Variants in ZBTB16 observed in about 807,000 individuals in gnomAD.
ZBTB16 encodes the protein zinc finger and BTB domain-containing protein 16.
Under a neutral mutation model 56.8 loss-of-function variants are expected in ZBTB16, and 8 were observed. The ratio of observed to expected loss-of-function variants is 0.14; its 90% CI spans 0.08 to 0.25. The LOEUF (loss-of-function observed/expected upper bound fraction) is 0.25. Among genes scored for constraint, ZBTB16 ranks in the 10% least tolerant of loss-of-function variants. ZBTB16 has a pLI of 1.00. For synonymous variants in ZBTB16, 363 were observed against 368.5 expected (o/e 0.98, Z 0.17); for missense variants, 625 against 903.0 (o/e 0.69, Z 3.95).
chr11:114,062,382 C>A (rs959898193), intron 1 of ZBTB16, among the ~76,000 whole-genome samples: 1 of 152,162 alleles, frequency 6.6e-6, no homozygotes, highest in Non-Finnish European at 1.5e-5. Context: ...GGATTAGAGG[C>A]GTGAGCCACC....
intron 3 of ZBTB16, among the ~76,000 whole-genome samples, chr11:114,164,221 T>G (rs1236215332): frequency 6.6e-6 from 1 of 152,222 alleles, no homozygotes; most frequent in African/African-American, 2.4e-5. Flanking sequence ...AACATTACTT[T>G]GAGGGTGGAG....
intron 2 of ZBTB16, among the ~76,000 whole-genome samples, chr11:114,154,503 T>G (rs1235845862): frequency 6.6e-6 from 1 of 152,204 alleles, no homozygotes; most frequent in Admixed American, 6.5e-5. Flanking sequence ...TCCACCATCG[T>G]GTGTGTTTGC....
chr11:114,175,619 C>T (rs1285544952), intron 3 of ZBTB16, among the ~76,000 whole-genome samples: 1 of 151,894 alleles, frequency 6.6e-6, no homozygotes, highest in Non-Finnish European at 1.5e-5. Context: ...GAGACCCAAG[C>T]AATGAAGGAA....
At chr11:114,152,649 T>C (rs1942306131) in intron 2 of ZBTB16, among the ~76,000 whole-genome samples, 1 of 152,200 alleles carries the variant, frequency 6.6e-6, no homozygotes, top group Non-Finnish European at 1.5e-5. Context: ...GAATCTCCAC[T>C]GAGTATAGGA....
chr11:114,146,645 G>C (rs1185561823), intron 2 of ZBTB16, among the ~76,000 whole-genome samples: 1 of 151,888 alleles, frequency 6.6e-6, no homozygotes, highest in Admixed American at 6.6e-5. Flanking sequence ...TCAGGAGTTG[G>C]AGACAGCCTG....
At position 114,115,319 on chromosome 11, in the gene ZBTB16, T is replaced by G. The variant is rs12271252; in HGVS notation, c.1269-41018T>G. Among the ~76,000 whole-genome samples the G allele has an allele frequency of 2.7e-3, 403 of 151,440 alleles. 2 individuals carry two copies. The highest frequency in any genetic ancestry group is 8.4e-3 in the African/African-American group (345 of 41,244). On this transcript the variant is annotated intron_variant, in intron 2 of 6. Coordinates refer to ENST00000335953, the MANE Select transcript of ZBTB16 (RefSeq NM_006006.6). Reference sequence around the variant, plus strand: ...AGGTGAGACAGACTTTTTGTTGGTGTTGTTTTCCTCCCTCCTTCCTCCTTT... The same window carrying G: ...AGGTGAGACAGACTTTTTGTTGGTGGTGTTTTCCTCCCTCCTTCCTCCTTT...
rs141952661 is a variant in ZBTB16 at position 114,157,979 on chromosome 11, G to A, written c.1366+1545G>A. ...CTAACTTCCAGGCATTTCTGCGTCC[G>A]GATCTGCTTGACACTCACGTACACT... On this transcript the variant is annotated intron_variant, in intron 3 of 6. Coordinates refer to ENST00000335953, the MANE Select transcript of ZBTB16 (RefSeq NM_006006.6). 2.7e-3 allele frequency among the ~76,000 whole-genome samples: 407 copies of A among 151,914 alleles called. 2 individuals carry two copies. The highest frequency in any genetic ancestry group is 9.4e-3 in the African/African-American group (388 of 41,448).
intron 2 of ZBTB16, among the ~76,000 whole-genome samples, chr11:114,068,221 C>A (rs1939197087): frequency 6.6e-6 from 1 of 152,002 alleles, no homozygotes; most frequent in South Asian, 2.1e-4. Flanking sequence ...CCCAGCAGTC[C>A]TTCTTGCATT....
At chr11:114,185,706 C>A (rs1347079527) in intron 3 of ZBTB16, among the ~76,000 whole-genome samples, 1 of 151,998 alleles carries the variant, frequency 6.6e-6, no homozygotes, top group Non-Finnish European at 1.5e-5. Flanking sequence ...TCACTGCACC[C>A]AACGCAGTGG....
intron 3 of ZBTB16, among the ~76,000 whole-genome samples, chr11:114,184,480 C>G (rs1943320024): frequency 1.3e-5 from 2 of 152,196 alleles, no homozygotes; most frequent in Non-Finnish European, 2.9e-5. Flanking sequence ...AGACCCCACC[C>G]ATGGAGTCTT....
Position 114,073,382 on chromosome 11 carries a change from T to A in ZBTB16, c.1268+8814T>A, listed in dbSNP as rs1939423498. On this transcript the variant is annotated intron_variant, in intron 2 of 6. Coordinates refer to ENST00000335953, the MANE Select transcript of ZBTB16 (RefSeq NM_006006.6). The stretch of plus-strand genomic sequence containing the variant: ...ATTTACAAAAATAAAAATCCCATGC[T>A]GTTAATTTCATGCCAGCATAATCAG... Among the ~76,000 whole-genome samples, 3 of 152,244 alleles carry A rather than the reference T, an allele frequency of 2.0e-5. No homozygotes were observed. The South Asian group carries it at 6.2e-4, about 31-fold the overall frequency.
At position 114,228,711 on chromosome 11, in the gene ZBTB16, C is replaced by T. The variant is rs142554462; in HGVS notation, c.1454-13456C>T. Among the ~76,000 whole-genome samples, 321 of 152,348 alleles carry T rather than the reference C, an allele frequency of 2.1e-3. 5 individuals carry two copies. The highest frequency in any genetic ancestry group is 6.8e-3 in the African/African-American group (281 of 41,584). On this transcript the variant is annotated intron_variant, in intron 4 of 6. Coordinates refer to ENST00000335953, the MANE Select transcript of ZBTB16 (RefSeq NM_006006.6). ...CCCAGCCAAGGGGAAAAGGTGCCCC[C>T]ACTCTCCCCAGGCCGCCAGCCTGCT...
At chr11:114,157,784 C>G (rs147597909) in intron 3 of ZBTB16, among the ~76,000 whole-genome samples, 2 of 152,162 alleles carry the variant, frequency 1.3e-5, no homozygotes, top group African/African-American at 4.8e-5. Flanking sequence ...CTCTTCCAGG[C>G]GCACGGATTT....
At chr11:114,123,079 G>C (rs1439717670) in intron 2 of ZBTB16, among the ~76,000 whole-genome samples, 1 of 152,160 alleles carries the variant, frequency 6.6e-6, no homozygotes, top group Non-Finnish European at 1.5e-5. Context: ...GAGACAGTGA[G>C]CTGGTGTCTC....
At chr11:114,183,260 C>T (rs544247890) in intron 3 of ZBTB16, among the ~76,000 whole-genome samples, 4 of 152,146 alleles carry the variant, frequency 2.6e-5, no homozygotes, top group Admixed American at 6.5e-5. Flanking sequence ...AGCTCAGTGT[C>T]GTGACTTCAG....
intron 4 of ZBTB16, among the ~76,000 whole-genome samples, chr11:114,235,258 C>T (rs1053022946): frequency 2.6e-5 from 4 of 152,176 alleles, no homozygotes; most frequent in African/African-American, 4.8e-5. Context: ...GCACACACCC[C>T]AGCACATGCA....
chr11:114,077,032 T>C (rs1270329022), intron 2 of ZBTB16, among the ~76,000 whole-genome samples: 1 of 152,166 alleles, frequency 6.6e-6, no homozygotes, highest in African/African-American at 2.4e-5. Flanking sequence ...ATATTTCTGT[T>C]TGCAGTTAAT....
rs563442672 is a variant in ZBTB16 at position 114,199,163 on chromosome 11, T to C, written c.1453+12125T>C. Among the ~76,000 whole-genome samples the C allele has an allele frequency of 2.2e-3, 333 of 152,268 alleles. 2 individuals are homozygous for C. The highest frequency in any genetic ancestry group is 5.5e-3 in the African/African-American group (228 of 41,560). On this transcript the variant is annotated intron_variant, in intron 4 of 6. Transcript: ENST00000335953. ...GGACCGGGATGCCAGACACGGATGC[T>C]GGGCCCCGGGACGGGGATGCCGGAC...
At chr11:114,230,353 C>T (rs11214907) in intron 4 of ZBTB16, among the ~76,000 whole-genome samples, 8,724 of 152,188 alleles carry the variant, frequency 0.057, 320 homozygotes, top group East Asian at 0.11. Context: ...GCTCGACCTG[C>T]CCTGCCCTCA....
Sources: gnomAD v4.1 joint callset for allele counts (sites outside exome capture counted in the v4.1 genomes callset) on GRCh38, gnomAD v4.1.1 for gene constraint, MANE v1.5 for transcripts, NCBI Gene and HGNC (gene_info 2026-07-23, HGNC 2026-07-21) for gene names.